Variants in SNTG2 observed in about 807,000 individuals in gnomAD.
SNTG2 encodes the protein gamma-2-syntrophin.
In SNTG2, 74 loss-of-function variants were observed where a neutral mutation model predicts 70.9. That is an observed-to-expected ratio of 1.04 (90% CI 0.86 to 1.27). SNTG2 has a LOEUF of 1.27. SNTG2 is among the 50% of genes most tolerant of loss of function. SNTG2 has a pLI of 0.00. For synonymous variants in SNTG2, 278 were observed against 273.8 expected (o/e 1.02, Z -0.15); for missense variants, 717 against 690.7 (o/e 1.04, Z -0.43).
intron 15 of SNTG2, among the ~76,000 whole-genome samples, chr2:1,310,246 GAAA>G (rs1422798787): frequency 6.6e-6 from 1 of 152,066 alleles, no homozygotes; most frequent in Non-Finnish European, 1.5e-5. Flanking sequence ...TTCCAGGAGC[GAAA>G]CGCTGGCCCA....
At chr2:1,048,701 T>C (rs1404749390) in intron 1 of SNTG2, among the ~76,000 whole-genome samples, 17 of 152,186 alleles carry the variant, frequency 1.1e-4, no homozygotes, top group Non-Finnish European at 2.5e-4. Context: ...GAGAGTGGAA[T>C]TGCAGCTTGA....
chr2:1,260,477 A>T (rs1021142314), intron 13 of SNTG2, among the ~76,000 whole-genome samples: 2 of 152,222 alleles, frequency 1.3e-5, no homozygotes, highest in African/African-American at 4.8e-5. Flanking sequence ...GGCCGGATGT[A>T]TTTAAATTAA....
At chr2:1,024,001 C>A (rs577906257) in intron 1 of SNTG2, among the ~76,000 whole-genome samples, 2 of 152,100 alleles carry the variant, frequency 1.3e-5, no homozygotes, top group Admixed American at 1.3e-4. Flanking sequence ...CAGGGGTTGG[C>A]GAACCTTTCT....
chr2:1,030,528 G>A (rs1298012431), intron 1 of SNTG2, among the ~76,000 whole-genome samples: 2 of 152,186 alleles, frequency 1.3e-5, no homozygotes, highest in Non-Finnish European at 2.9e-5. Context: ...GTCCACACGT[G>A]TGCCAGTGAG....
At chr2:998,601 TA>T (rs1010455516) in intron 1 of SNTG2, among the ~76,000 whole-genome samples, 37 of 147,982 alleles carry the variant, frequency 2.5e-4, no homozygotes, top group Middle Eastern at 3.6e-3. Context: ...AACTCAAGCA[TA>T]AAAAAAAAAT....
chr2:1,129,822 C>A (rs900254086), intron 4 of SNTG2, among the ~76,000 whole-genome samples: 3 of 152,150 alleles, frequency 2.0e-5, no homozygotes, highest in African/African-American at 7.2e-5. Context: ...TGAGCCTGGA[C>A]AATGTGGCTT....
chr2:1,211,384 G>A (rs536383521), intron 9 of SNTG2, among the ~76,000 whole-genome samples: 5 of 152,180 alleles, frequency 3.3e-5, no homozygotes, highest in Non-Finnish European at 5.9e-5. Flanking sequence ...TGAATGTGAT[G>A]AAGATTGGCT....
chr2:1,019,561 C>T (rs2148007999), intron 1 of SNTG2, among the ~76,000 whole-genome samples: 1 of 152,238 alleles, frequency 6.6e-6, no homozygotes, highest in Non-Finnish European at 1.5e-5. Context: ...GGAGATTGCA[C>T]ACTCTTCTGG....
intron 9 of SNTG2, among the ~76,000 whole-genome samples, chr2:1,218,728 A>AT (rs1243715283): frequency 6.6e-6 from 1 of 152,176 alleles, no homozygotes; most frequent in Non-Finnish European, 1.5e-5. Context: ...AGCAGGTGGT[A>AT]TGAAGGAATA....
At chr2:1,283,312 A>G (rs1418579587) in intron 14 of SNTG2, among the ~76,000 whole-genome samples, 3 of 152,108 alleles carry the variant, frequency 2.0e-5, no homozygotes, top group Admixed American at 6.5e-5. Flanking sequence ...ACCCCTGCCA[A>G]TCCGGCTGCT....
intron 4 of SNTG2, among the ~76,000 whole-genome samples, chr2:1,129,152 G>T (rs1030142739): frequency 6.6e-6 from 1 of 152,174 alleles, no homozygotes. Context: ...TAAGCTAAAG[G>T]ATTTGCTATT....
At chr2:1,255,863 A>AAAT (rs1678047674) in intron 12 of SNTG2, among the ~76,000 whole-genome samples, 1 of 10,722 alleles carries the variant, frequency 9.3e-5, no homozygotes, top group African/African-American at 2.3e-4. Flanking sequence ...AATATATATA[A>AAAT]ATATATATAA....
intron 4 of SNTG2, among the ~76,000 whole-genome samples, chr2:1,118,909 A>G (rs1260214026): frequency 1.3e-5 from 2 of 152,194 alleles, no homozygotes; most frequent in African/African-American, 2.4e-5. Context: ...ATGGGCATTC[A>G]ATTTCATGAA....
chr2:1,252,780 A>G (rs1677840605), intron 12 of SNTG2, among the ~76,000 whole-genome samples: 1 of 152,212 alleles, frequency 6.6e-6, no homozygotes, highest in South Asian at 2.1e-4. Flanking sequence ...GTGAAACTCT[A>G]TTTCAAAGAA....
intron 14 of SNTG2, among the ~76,000 whole-genome samples, chr2:1,276,262 G>T (rs1254026227): frequency 6.6e-6 from 1 of 152,258 alleles, no homozygotes. Flanking sequence ...ATTGGAAGAA[G>T]ATGCCATCTA....
Position 1,244,129 on chromosome 2 carries a change from C to A in SNTG2, c.889-3198C>A, listed in dbSNP as rs1288716994. On this transcript the variant is annotated intron_variant, in intron 11 of 16. Transcript: ENST00000308624. The stretch of plus-strand genomic sequence containing the variant: ...AAACATCACTTTAAATCTCTCTACC[C>A]CGTATGAATCTAATTAGGCTGTGAC... Among the ~76,000 whole-genome samples, 3 of 150,276 alleles carry A rather than the reference C, an allele frequency of 2.0e-5. No individual in the cohort carries two copies. In the East Asian group the frequency reaches 5.8e-4, roughly 29 times the overall value.
chr2:1,117,134 C>G (rs929153238), intron 4 of SNTG2, among the ~76,000 whole-genome samples: 1 of 151,836 alleles, frequency 6.6e-6, no homozygotes, highest in African/African-American at 2.4e-5. Flanking sequence ...TGTAGGTGCT[C>G]TGGTGCGTGG....
chr2:1,068,019 A>C (rs561918746), intron 1 of SNTG2: 24 of 152,380 alleles, frequency 1.6e-4, no homozygotes, highest in African/African-American at 5.8e-4. Context: ...TTGGTCCTTC[A>C]GGAATCAACA....
At chr2:992,500 A>G (rs1328762566) in intron 1 of SNTG2, among the ~76,000 whole-genome samples, 1 of 152,230 alleles carries the variant, frequency 6.6e-6, no homozygotes, top group African/African-American at 2.4e-5. Flanking sequence ...AAAGACTTCA[A>G]GAATCTTTGC....
Sources: allele counts gnomAD v4.1 joint callset (sites outside exome capture counted in the v4.1 genomes callset), GRCh38; gene constraint gnomAD v4.1.1; transcripts MANE v1.5; gene names NCBI Gene and HGNC (gene_info 2026-07-23, HGNC 2026-07-21).